HLTF: variants seen among roughly 807,000 people sequenced by gnomAD.
HLTF encodes helicase like transcription factor.
In HLTF, 127 loss-of-function variants were observed where a neutral mutation model predicts 129.4. The observed-to-expected ratio is 0.98, with a 90% CI of 0.85 to 1.14. HLTF has a LOEUF of 1.14. Among genes scored for constraint, HLTF ranks in the 50% most tolerant of loss-of-function variants. The pLI is 0.00. For synonymous variants in HLTF, 332 were observed against 388.8 expected, an observed-to-expected ratio of 0.85 and a Z score of 1.72; for missense variants, 1,139 against 1,187.1, an observed-to-expected ratio of 0.96 and a Z score of 0.60.
intron 14 of HLTF, among the ~76,000 whole-genome samples, chr3:149,051,078 A>G (rs1716940416): frequency 6.6e-6 from 1 of 152,164 alleles, no homozygotes; most frequent in Non-Finnish European, 1.5e-5. Flanking sequence ...AAGTAGGAAC[A>G]GGGTGGAAAG....
chr3:149,040,480 T>C (rs901574545), intron 20 of HLTF, among the ~76,000 whole-genome samples: 10 of 151,998 alleles, frequency 6.6e-5, no homozygotes, highest in Admixed American at 2.6e-4. Context: ...CTAAATACAA[T>C]ACAGCTACAC....
chr3:149,033,486 T>G (rs984857428), intron 24 of HLTF, among the ~76,000 whole-genome samples: 52 of 152,124 alleles, frequency 3.4e-4, no homozygotes, highest in African/African-American at 1.2e-3. Flanking sequence ...CATTTTACCC[T>G]ATCAGGTATC....
At position 149,071,423 on chromosome 3, in the gene HLTF, A is replaced by G; in HGVS notation, c.723T>C (p.Leu241=). ...EPAEAIETPL[L]PHQKQALAWM... Reference sequence around the variant, plus strand: ...AAGCTAGAGCTTGTTTTTGATGTGGAAGCAGTGGTGTTTCAATAGCCTATA... The same window carrying G: ...AAGCTAGAGCTTGTTTTTGATGTGGGAGCAGTGGTGTTTCAATAGCCTATA... The change falls in exon 7 of 25, where the codon CTT becomes CTC. Residue 241 remains leucine (L), a synonymous_variant. Transcript: ENST00000310053. The G allele has an allele frequency of 1.2e-6, 2 of 1,612,670 alleles. No homozygotes were observed. Among genetic ancestry groups the G allele is most frequent in the Non-Finnish European group, 1.7e-6 (2 of 1,179,544 alleles).
At chr3:149,038,573 G>A (rs937893746) in intron 23 of HLTF, among the ~76,000 whole-genome samples, 9 of 152,042 alleles carry the variant, frequency 5.9e-5, no homozygotes, top group African/African-American at 2.2e-4. Context: ...CAGGAGCATG[G>A]CTCACTGAAA....
In HLTF at chr3:149,032,382, G is replaced by C; in HGVS notation, c.2878-10C>G. 7.7e-7 allele frequency: 1 copy of C among 1,299,240 alleles called. No homozygotes were observed. The highest frequency in any genetic ancestry group is 1.0e-6 in the Non-Finnish European group (1 of 978,928). 80.5% of individuals were successfully genotyped at this position (1,299,240 alleles called of 1,614,324 possible). On this transcript the variant is annotated splice_polypyrimidine_tract_variant and intron_variant, in intron 24 of 24. Coordinates refer to ENST00000310053, the MANE Select transcript of HLTF (RefSeq NM_003071.4). ...AGTCCTTTACAATGAACTTTAAAAA[G>C]AAAAAAAAAAGTTAAGTAGTTTTTA...
chr3:149,055,228 T>C, intron 14 of HLTF, 75 bp downstream of exon 14: 2 of 1,021,392 alleles, frequency 2.0e-6, no homozygotes, highest in South Asian at 2.9e-5. Context: ...AATGAATGAC[T>C]CTTTAACAGA....
Position 149,079,080 on chromosome 3 carries a change from C to G in HLTF, c.229-3033G>C, listed in dbSNP as rs11918527. On this transcript the variant is annotated intron_variant, in intron 2 of 24. Transcript: ENST00000310053. Reference sequence around the variant, plus strand: ...GATAGGTCAATTGAGATTATACAATCTAAGGAACAAAAAAATGACACACAA... The same window carrying G: ...GATAGGTCAATTGAGATTATACAATGTAAGGAACAAAAAAATGACACACAA... 5.9e-5 allele frequency among the ~76,000 whole-genome samples: 9 copies of G among 151,968 alleles called. No homozygotes were observed. The South Asian group carries it at 1.9e-3, about 32-fold the overall frequency.
chr3:149,042,015 T>G, intron 19 of HLTF, 151 bp downstream of exon 19: 1 of 658,408 alleles, frequency 1.5e-6, no homozygotes, highest in Non-Finnish European at 2.7e-6. Flanking sequence ...AAAAAATTAT[T>G]GGATGTATTC....
At chr3:149,057,251 C>T (rs928925761) in intron 13 of HLTF, among the ~76,000 whole-genome samples, 9 of 150,392 alleles carry the variant, frequency 6.0e-5, no homozygotes, top group African/African-American at 2.0e-4. Flanking sequence ...CATGGTGAAA[C>T]CCGTCTCTAT....
chr3:149,072,699 T>A (rs1305942054), intron 5 of HLTF, among the ~76,000 whole-genome samples: 1 of 152,180 alleles, frequency 6.6e-6, no homozygotes, highest in Admixed American at 6.5e-5. Context: ...CTACAATTAG[T>A]AGATAAAAGG....
intron 3 of HLTF, 81 bp from the exon 4 acceptor site, chr3:149,074,429 G>A: frequency 1.5e-6 from 2 of 1,326,526 alleles, no homozygotes; most frequent in Non-Finnish European, 2.0e-6. Flanking sequence ...AATATTTTAA[G>A]TGTATCATTT....
rs1216583461 is a variant in HLTF at position 149,046,244 on chromosome 3, T to C, written c.1908A>G (p.Leu636=). The change falls in exon 18 of 25, where the codon CTA becomes CTG. Residue 636 remains leucine, a synonymous_variant. Transcript: ENST00000310053. The part of the protein sequence containing the change: ...DEGGLRRLQS[L]IKNITLRRTK... Reference sequence around the variant, plus strand: ...TTCTTCTAAGTGTAATATTTTTAATTAGGGACTGTAAACGCCTAATCAGAA... The same window carrying C: ...TTCTTCTAAGTGTAATATTTTTAATCAGGGACTGTAAACGCCTAATCAGAA... 6 of 1,564,982 alleles carry C rather than the reference T, an allele frequency of 3.8e-6. No individual in the cohort carries two copies. Among genetic ancestry groups the C allele is most frequent in the Non-Finnish European group, 5.2e-6 (6 of 1,143,342 alleles).
intron 19 of HLTF, chr3:149,041,928 A>G (rs1716164413): frequency 1.7e-6 from 1 of 580,024 alleles, no homozygotes; most frequent in African/African-American, 1.9e-5. Flanking sequence ...AGGCAGATCC[A>G]ATATGAATCT....
chr3:149,034,363 T>C (rs35839013), intron 24 of HLTF, among the ~76,000 whole-genome samples: 47,002 of 151,980 alleles, frequency 0.31, 7,209 homozygotes, highest in East Asian at 0.32. Context: ...TATATCTATA[T>C]GGTTTTGTAG....
chr3:149,038,959 A>G lies in HLTF; in HGVS notation c.2796+90T>C, dbSNP rs183887134. The G allele has an allele frequency of 1.8e-3, 1,272 of 688,368 alleles. 4 individuals are homozygous for G. The highest frequency in any genetic ancestry group is 2.5e-3 in the Non-Finnish European group (1,112 of 442,302). The allele number at this position is 688,368 out of a possible 1,614,324, so 42.6% of individuals were successfully genotyped here. A position where few individuals can be genotyped will look rare whatever the true frequency, so the allele number is the denominator to read the frequency against. ...TGCCTAAGAATTTTCACAGTTAATTATAACTATGAAGGTATTTACCAAATA... is the reference window on the plus strand; with the variant it reads ...TGCCTAAGAATTTTCACAGTTAATTGTAACTATGAAGGTATTTACCAAATA... On this transcript the variant is annotated intron_variant, in intron 23 of 24. Coordinates refer to ENST00000310053, the MANE Select transcript of HLTF (RefSeq NM_003071.4).
intron 13 of HLTF, among the ~76,000 whole-genome samples, chr3:149,056,267 T>C (rs115425991): frequency 0.018 from 2,746 of 152,300 alleles, 88 homozygotes; most frequent in African/African-American, 0.063. Context: ...TACACAGTAA[T>C]AGGTAACTAA....
At chr3:149,044,176 T>C (rs1716351998) in intron 18 of HLTF, among the ~76,000 whole-genome samples, 1 of 152,124 alleles carries the variant, frequency 6.6e-6, no homozygotes, top group East Asian at 1.9e-4. Flanking sequence ...ACTGACCTAA[T>C]AGGATTGCTG....
At chr3:149,064,459 A>G (rs2034905) in intron 9 of HLTF, among the ~76,000 whole-genome samples, 2,741 of 152,292 alleles carry the variant, frequency 0.018, 86 homozygotes, top group African/African-American at 0.062. Flanking sequence ...CATGCATATT[A>G]CATTTTAAAT....
chr3:149,047,428 G>A (rs138517401), intron 17 of HLTF, among the ~76,000 whole-genome samples: 1 of 152,134 alleles, frequency 6.6e-6, no homozygotes, highest in Non-Finnish European at 1.5e-5. Flanking sequence ...GATAACCTGA[G>A]GTCAGAAGTT....
Sources: allele counts gnomAD v4.1 joint callset (sites outside exome capture counted in the v4.1 genomes callset), GRCh38; gene constraint gnomAD v4.1.1; transcripts MANE v1.5; gene names NCBI Gene and HGNC (gene_info 2026-07-23, HGNC 2026-07-21).